The following NOP58 variants were observed in gnomAD, a reference collection of about 807,000 sequenced individuals.
NOP58 encodes the protein NOP58 ribonucleoprotein, also known as nucleolar protein 58.
In NOP58, 44 loss-of-function variants were observed where a neutral mutation model predicts 71.2. The ratio of observed to expected loss-of-function variants is 0.62; its 90% confidence interval spans 0.49 to 0.79. NOP58 has a LOEUF of 0.79. NOP58 is among the 30% of genes least tolerant of loss of function. NOP58 has a pLI of 0.00. For synonymous variants in NOP58, 228 were observed against 200.3 expected (o/e 1.14, Z -1.17); for missense variants, 538 against 620.2 (o/e 0.87, Z 1.41).
chr2:202,292,924 T>C (rs1574386772), intron 9 of NOP58, 21 bp downstream of exon 9: 1 of 1,613,180 alleles, frequency 6.2e-7, no homozygotes, highest in African/African-American at 1.3e-5. Context: ...TAATGTAATT[T>C]GTAAATATGA....
chr2:202,276,881 G>A (rs995253834), intron 2 of NOP58, among the ~76,000 whole-genome samples: 3 of 152,060 alleles, frequency 2.0e-5, no homozygotes, highest in African/African-American at 7.2e-5. Flanking sequence ...GCTCACGCTT[G>A]TAATCCCAGC....
Position 202,303,376 on chromosome 2 carries a change from C to G in NOP58, c.1540-10C>G. On this transcript the variant is annotated splice_polypyrimidine_tract_variant and intron_variant, in intron 14 of 14. Coordinates refer to ENST00000264279, the MANE Select transcript of NOP58 (RefSeq NM_015934.5). ...AGCTCTTTCAAAGCATTCTTGTTGG[C>G]TATTTTCAGAGTCCAGAGAAAAAGA... 1.9e-6 allele frequency: 3 copies of G among 1,609,858 alleles called. No individual in the cohort carries two copies. Among genetic ancestry groups the G allele is most frequent in the Non-Finnish European group, 2.5e-6 (3 of 1,177,906 alleles).
chr2:202,303,110 T>G, intron 14 of NOP58, 53 bp downstream of exon 14: 1 of 1,551,710 alleles, frequency 6.4e-7, no homozygotes, highest in Non-Finnish European at 8.7e-7. Flanking sequence ...GTTCTCTATA[T>G]TTCAATCTAT....
At chr2:202,297,107 A>G (rs1689007234) in intron 10 of NOP58, among the ~76,000 whole-genome samples, 1 of 152,214 alleles carries the variant, frequency 6.6e-6, no homozygotes, top group African/African-American at 2.4e-5. Flanking sequence ...GCACAGAACT[A>G]ATGTCACTGA....
chr2:202,270,996 A>G (rs958043557), intron 1 of NOP58, among the ~76,000 whole-genome samples: 1 of 151,760 alleles, frequency 6.6e-6, no homozygotes, highest in Non-Finnish European at 1.5e-5. Context: ...AGGCAGGAGG[A>G]TCGCTTGAAC....
intron 13 of NOP58, 81 bp from the exon 14 acceptor site, chr2:202,302,840 A>T: frequency 6.6e-7 from 1 of 1,505,598 alleles, no homozygotes; most frequent in Non-Finnish European, 8.8e-7. Context: ...GACAGAAAAA[A>T]ACTAGGACTC....
At chr2:202,298,833 A>G (rs371389269) in intron 12 of NOP58, among the ~76,000 whole-genome samples, 23 of 152,234 alleles carry the variant, frequency 1.5e-4, no homozygotes, top group African/African-American at 5.5e-4. Context: ...GTGATGATGC[A>G]GGTAGAATGT....
chr2:202,295,855 G>A lies in NOP58; in HGVS notation c.1071+18G>A. ...AAGGAAAGGTGTGTTATAGGGTTTT[G>A]CTTTGTTTTTGAGGTTAGACTTTTT... On this transcript the variant is annotated intron_variant, in intron 10 of 14. Coordinates refer to ENST00000264279, the MANE Select transcript of NOP58 (RefSeq NM_015934.5). 2 of 1,511,154 alleles carry A rather than the reference G, an allele frequency of 1.3e-6. No homozygotes were observed. The highest frequency in any genetic ancestry group is 1.8e-6 in the Non-Finnish European group (2 of 1,128,828). The allele number at this position is 1,511,154 out of a possible 1,614,324, so 93.6% of individuals were successfully genotyped here. A position where few individuals can be genotyped will look rare whatever the true frequency, so the allele number is the denominator to read the frequency against.
Position 202,292,889 on chromosome 2 carries a change from T to G in NOP58, c.893T>G (p.Leu298Arg). 6.2e-7 allele frequency: 1 copy of G among 1,614,098 alleles called. No homozygotes were observed. Among genetic ancestry groups the G allele is most frequent in the Non-Finnish European group, 8.5e-7 (1 of 1,179,922 alleles). Reference protein sequence around the residue: ...VMVGELVGARLIAHAGSLLNL... With the variant: ...VMVGELVGARRIAHAGSLLNL... ...GTTGGGGAATTAGTTGGAGCACGGC[T>G]TATTGCTCATGCAGGTGATGGTTTT... Residue 298 changes from leucine to arginine, a missense_variant, in exon 9 of 15, where the codon CTT (leucine) becomes CGT (arginine). Leu to Arg is a moderately radical substitution (Grantham distance 102). Coordinates refer to ENST00000264279, the MANE Select transcript of NOP58 (RefSeq NM_015934.5).
At chr2:202,288,341 A>G (rs1688826883) in intron 6 of NOP58, among the ~76,000 whole-genome samples, 1 of 150,854 alleles carries the variant, frequency 6.6e-6, no homozygotes, top group South Asian at 2.1e-4. Flanking sequence ...AAAATTAACC[A>G]GGCATGGTGG....
At chr2:202,294,285 C>A (rs971135072) in intron 9 of NOP58, among the ~76,000 whole-genome samples, 1 of 142,720 alleles carries the variant, frequency 7.0e-6, no homozygotes, top group African/African-American at 2.6e-5. Context: ...TGACATTGCA[C>A]ACAGCAGTGG....
chr2:202,287,715 C>T lies in NOP58; in HGVS notation c.490C>T (p.Gln164Ter). Residue 164 changes from glutamine to a stop codon, truncating the protein, a stop_gained, in exon 6 of 15, where the codon CAG becomes TAG. Transcript: ENST00000264279. LOFTEE classifies it high-confidence loss of function. The stretch of plus-strand genomic sequence containing the variant: ...TGATAAAGTAGACACAATGATTGTT[C>T]AGGCAATTTGTAAGTATAGTACATG... ...SADKVDTMIV[Q>*]AISLLDDLDK... 6.2e-7 allele frequency: 1 copy of T among 1,610,714 alleles called. No homozygotes were observed. Among genetic ancestry groups the T allele is most frequent in the Non-Finnish European group, 8.5e-7 (1 of 1,177,012 alleles).
intron 9 of NOP58, 42 bp from the exon 10 acceptor site, chr2:202,295,632 T>C: frequency 6.9e-7 from 1 of 1,447,686 alleles, no homozygotes; most frequent in Non-Finnish European, 9.3e-7. Flanking sequence ...GGAACATTCA[T>C]ATATTTGGAG....
chr2:202,269,376 A>G (rs1420415973), intron 1 of NOP58, among the ~76,000 whole-genome samples: 1 of 144,882 alleles, frequency 6.9e-6, no homozygotes, highest in African/African-American at 2.6e-5. Flanking sequence ...GAGTCTCACT[A>G]TGTTGCCTAG....
At chr2:202,300,419 G>T in intron 13 of NOP58, 52 bp downstream of exon 13, 1 of 1,445,946 alleles carries the variant, frequency 6.9e-7, no homozygotes, top group Non-Finnish European at 9.3e-7. Flanking sequence ...CTTTAGAACT[G>T]TGGATTTTGT....
intron 4 of NOP58, among the ~76,000 whole-genome samples, chr2:202,283,358 T>G (rs997890217): frequency 3.3e-5 from 5 of 152,006 alleles, no homozygotes; most frequent in African/African-American, 9.7e-5. Flanking sequence ...GCCTTCCAAG[T>G]AGCTGGGATT....
chr2:202,294,855 T>TA (rs1688964586), intron 9 of NOP58, among the ~76,000 whole-genome samples: 1 of 151,716 alleles, frequency 6.6e-6, no homozygotes, highest in African/African-American at 2.4e-5. Context: ...TAATCCCAGC[T>TA]ACTCGGAGGC....
chr2:202,280,749 TTG>T (rs1286062975), intron 3 of NOP58, among the ~76,000 whole-genome samples: 2 of 151,868 alleles, frequency 1.3e-5, no homozygotes, highest in African/African-American at 4.8e-5. Context: ...TTATTCTTGA[TTG>T]TGTTTTCAAC....
At chr2:202,297,237 A>G in intron 10 of NOP58, 142 bp from the exon 11 acceptor site, 1 of 702,028 alleles carries the variant, frequency 1.4e-6, no homozygotes, top group Non-Finnish European at 2.3e-6. Context: ...TGGCCATTAG[A>G]TTGTGGCAAA....
Sources: allele counts gnomAD v4.1 joint callset (sites outside exome capture counted in the v4.1 genomes callset), GRCh38; gene constraint gnomAD v4.1.1; transcripts MANE v1.5; gene names NCBI Gene and HGNC (gene_info 2026-07-23, HGNC 2026-07-21).